Variants in FTO observed in about 807,000 individuals in gnomAD.
FTO encodes the protein alpha-ketoglutarate-dependent dioxygenase FTO.
A neutral mutation model predicts 63.9 loss-of-function variants in FTO; 47 were observed. That is an observed-to-expected ratio of 0.74 (90% confidence interval 0.58 to 0.94). FTO has a LOEUF of 0.94. Ranked by LOEUF, FTO falls within the 40% of genes least tolerant of loss-of-function variation. FTO has a pLI of 0.00. For missense variants in FTO, 562 were observed against 618.1 expected (o/e 0.91, Z 0.96); for synonymous variants, 207 against 224.4 (o/e 0.92, Z 0.69).
chr16:53,982,786 AG>A (rs2083577041), intron 8 of FTO, among the ~76,000 whole-genome samples: 1 of 152,216 alleles, frequency 6.6e-6, no homozygotes, highest in South Asian at 2.1e-4. Flanking sequence ...AAGTGGGTAA[AG>A]CTTGCAGTGT....
At chr16:53,858,817 C>G (rs537231307) in intron 4 of FTO, among the ~76,000 whole-genome samples, 1 of 151,964 alleles carries the variant, frequency 6.6e-6, no homozygotes, top group East Asian at 1.9e-4. Context: ...CGTGCCACCA[C>G]GCCCAGCTGA....
At chr16:53,778,047 G>T (rs1393524217) in intron 1 of FTO, among the ~76,000 whole-genome samples, 1 of 152,088 alleles carries the variant, frequency 6.6e-6, no homozygotes, top group Non-Finnish European at 1.5e-5. Context: ...TAAAAAGATA[G>T]CTACTTAAAG....
chr16:53,789,879 TTATATATACATATACGTATATATATAC>T (rs1567988135), intron 1 of FTO, among the ~76,000 whole-genome samples: 509 of 17,178 alleles, frequency 0.03, 2 homozygotes, highest in Middle Eastern at 0.11. Flanking sequence ...TATATACAAA[TTATATATACATATACGTATATATATAC>T]AAATTATATA....
chr16:53,985,829 G>A (rs2083654442), intron 8 of FTO, among the ~76,000 whole-genome samples: 1 of 152,166 alleles, frequency 6.6e-6, no homozygotes, highest in Admixed American at 6.5e-5. Context: ...AGATATGTTG[G>A]GGGTATAACT....
chr16:53,930,154 G>A (rs1024817790), intron 7 of FTO, among the ~76,000 whole-genome samples: 2 of 148,164 alleles, frequency 1.3e-5, no homozygotes, highest in Non-Finnish European at 3.0e-5. Context: ...CCCTCAGCAA[G>A]CAACAGTATC....
chr16:53,750,994 T>G (rs970423088), intron 1 of FTO, among the ~76,000 whole-genome samples: 1 of 152,210 alleles, frequency 6.6e-6, no homozygotes, highest in African/African-American at 2.4e-5. Context: ...AACCTAAGTA[T>G]GGACGTTTAT....
chr16:53,718,754 G>T (rs2075957030), intron 1 of FTO, among the ~76,000 whole-genome samples: 1 of 152,056 alleles, frequency 6.6e-6, no homozygotes, highest in South Asian at 2.1e-4. Context: ...CTGATAAAAT[G>T]TAATTTATTA....
rs541700632 is a variant in FTO, at chr16:53,942,203, G to A, written c.1364+8094G>A. On this transcript the variant is annotated intron_variant, in intron 8 of 8. Coordinates refer to ENST00000471389, the MANE Select transcript of FTO (RefSeq NM_001080432.3). ...TGGTTATTCATCTAACCTTGCCAGG[G>A]GTGGAAGCCTTGAAACTGGAAGTAA... is the stretch of plus-strand genomic sequence containing the variant. 3.3e-5 allele frequency among the ~76,000 whole-genome samples: 5 copies of A among 152,264 alleles called. No individual in the cohort carries two copies. The East Asian group carries it at 7.7e-4, about 24-fold the overall frequency.
At position 53,971,910 on chromosome 16, in the gene FTO, G is replaced by A. The variant is rs559289451; in HGVS notation, c.1364+37801G>A. Among the ~76,000 whole-genome samples the A allele has an allele frequency of 1.5e-4, 23 of 152,292 alleles. No individual in the cohort carries two copies. In the South Asian group the frequency reaches 4.6e-3, roughly 30 times the overall value. Reference sequence around the variant, plus strand: ...CAAATTTGGATGATGATTGCCTGATGCCATATTTTGGTAACAGCTAATCTC... The same window carrying A: ...CAAATTTGGATGATGATTGCCTGATACCATATTTTGGTAACAGCTAATCTC... On this transcript the variant is annotated intron_variant, in intron 8 of 8. Coordinates refer to ENST00000471389, the MANE Select transcript of FTO (RefSeq NM_001080432.3).
intron 8 of FTO, among the ~76,000 whole-genome samples, chr16:54,015,571 G>A (rs898270709): frequency 1.3e-5 from 2 of 152,056 alleles, no homozygotes; most frequent in East Asian, 1.9e-4. Context: ...CGTTTTAAAA[G>A]GTAGCTTTGA....
intron 1 of FTO, among the ~76,000 whole-genome samples, chr16:53,729,502 CG>C (rs200353889): frequency 9.6e-6 from 1 of 104,712 alleles, no homozygotes; most frequent in Admixed American, 8.4e-5. Flanking sequence ...GACTCCGTAT[CG>C]GGGGGAAAAA....
rs998312916 is a variant in FTO, at chr16:53,979,564, T to C, written c.1364+45455T>C. 48 of 352,740 alleles carry C rather than the reference T, an allele frequency of 1.4e-4. 1 individual carries two copies. The highest frequency in any genetic ancestry group is 1.3e-3 in the East Asian group (31 of 23,042). 21.9% of individuals were successfully genotyped at this position (352,740 alleles called of 1,614,324 possible). The stretch of plus-strand genomic sequence containing the variant: ...GTGTGTGTGTGTGTGTGTGTGTGTG[T>C]GTGCGCGCGTGTGTGAATTTCTTGT... On this transcript the variant is annotated intron_variant, in intron 8 of 8. Coordinates refer to ENST00000471389, the MANE Select transcript of FTO (RefSeq NM_001080432.3).
intron 8 of FTO, among the ~76,000 whole-genome samples, chr16:53,942,819 T>C (rs761144095): frequency 4.6e-5 from 7 of 152,202 alleles, no homozygotes; most frequent in Non-Finnish European, 8.8e-5. Context: ...CCACGTCAGC[T>C]GCTATCATTC....
intron 7 of FTO, among the ~76,000 whole-genome samples, chr16:53,911,757 C>CA (rs1337901173): frequency 6.6e-6 from 1 of 152,186 alleles, no homozygotes; most frequent in Non-Finnish European, 1.5e-5. Context: ...TTTTAATTTG[C>CA]AAAACCTTTG....
chr16:54,007,416 A>G (rs1202642896), intron 8 of FTO, among the ~76,000 whole-genome samples: 2 of 152,184 alleles, frequency 1.3e-5, no homozygotes, highest in Non-Finnish European at 2.9e-5. Context: ...TCTGCCACTT[A>G]CTAGATCTGA....
chr16:53,735,175 A>G (rs980633768), intron 1 of FTO, among the ~76,000 whole-genome samples: 5 of 152,238 alleles, frequency 3.3e-5, no homozygotes, highest in African/African-American at 1.2e-4. Context: ...GCCAAGGGAT[A>G]TGGCCTCTGT....
chr16:54,034,845 C>T (rs529220414), intron 8 of FTO, among the ~76,000 whole-genome samples: 1 of 152,194 alleles, frequency 6.6e-6, no homozygotes, highest in Non-Finnish European at 1.5e-5. Flanking sequence ...TCTGTAACTA[C>T]TTATATGAGG....
At chr16:53,736,523 T>C (rs2076394781) in intron 1 of FTO, among the ~76,000 whole-genome samples, 1 of 152,030 alleles carries the variant, frequency 6.6e-6, no homozygotes, top group African/African-American at 2.4e-5. Flanking sequence ...GACCCCTCCT[T>C]CTCATTTCCA....
At chr16:53,997,587 G>A (rs986314510) in intron 8 of FTO, among the ~76,000 whole-genome samples, 3 of 149,574 alleles carry the variant, frequency 2.0e-5, no homozygotes, top group Admixed American at 2.0e-4. Context: ...GGGTGGGAGT[G>A]GGGGGGTGGT....
Sources: allele counts gnomAD v4.1 joint callset (sites outside exome capture counted in the v4.1 genomes callset), GRCh38; gene constraint gnomAD v4.1.1; transcripts MANE v1.5; gene names NCBI Gene and HGNC (gene_info 2026-07-23, HGNC 2026-07-21).